Variants in ORC5 observed in about 807,000 individuals in gnomAD.
The protein encoded by ORC5 is protein phosphatase 1, regulatory subunit 117.
A neutral mutation model predicts 58.8 loss-of-function variants in ORC5; 39 were observed. That is an observed-to-expected ratio of 0.66 (90% CI 0.51 to 0.87). The LOEUF is 0.87. ORC5 is among the 40% of genes least tolerant of loss of function. The pLI is 0.00. For synonymous variants in ORC5, 218 were observed against 177.6 expected, an observed-to-expected ratio of 1.23 and a Z score of -1.81; for missense variants, 493 against 506.3, an observed-to-expected ratio of 0.97 and a Z score of 0.25.
chr7:104,179,717 T>C (rs1417402977), intron 8 of ORC5, among the ~76,000 whole-genome samples: 2 of 152,118 alleles, frequency 1.3e-5, no homozygotes, highest in African/African-American at 4.8e-5. Context: ...AGCTGTCTTC[T>C]TCACTTAGGA....
At chr7:104,156,932 G>A (rs577059938) in intron 12 of ORC5, among the ~76,000 whole-genome samples, 1 of 151,886 alleles carries the variant, frequency 6.6e-6, no homozygotes, top group South Asian at 2.1e-4. Context: ...AGGTCTGTTT[G>A]CCTGGCTCAT....
intron 11 of ORC5, among the ~76,000 whole-genome samples, chr7:104,162,292 C>T (rs1022273033): frequency 1.3e-5 from 2 of 152,186 alleles, no homozygotes; most frequent in African/African-American, 4.8e-5. Flanking sequence ...CGTATCTCAG[C>T]CACCCAAGTA....
chr7:104,131,618 G>A (rs896896333), intron 13 of ORC5, among the ~76,000 whole-genome samples: 9 of 152,196 alleles, frequency 5.9e-5, no homozygotes, highest in Admixed American at 6.5e-5. Context: ...TTGGGAGGCC[G>A]AGGTGGGTGG....
chr7:104,170,331 T>C lies in ORC5; in HGVS notation c.825-1806A>G, dbSNP rs750284740. On this transcript the variant is annotated intron_variant, in intron 8 of 13. Coordinates refer to ENST00000297431, the MANE Select transcript of ORC5 (RefSeq NM_002553.4). ...CCTAGAACATGTGAATACATTCTTA[T>C]GGGGTAAAAGGGACTTAGCAGATGT... Among the ~76,000 whole-genome samples the C allele has an allele frequency of 5.3e-5, 8 of 152,326 alleles. No homozygotes were observed. In the South Asian group the frequency reaches 1.2e-3, roughly 24 times the overall value.
rs139653788 is a variant in ORC5, at chr7:104,194,529, T to C, written c.553+614A>G. ...CAAAGACCAAAATCATCAGGATCTA[T>C]GAAATTTAAGATTAAATAGAGCCCC... On this transcript the variant is annotated intron_variant, in intron 5 of 13. Transcript: ENST00000297431. Among the ~76,000 whole-genome samples the C allele has an allele frequency of 2.8e-4, 43 of 152,224 alleles. 1 individual carries two copies. The East Asian group carries it at 7.7e-3, about 27-fold the overall frequency.
At chr7:104,131,642 A>G (rs1798513352) in intron 13 of ORC5, among the ~76,000 whole-genome samples, 1 of 152,172 alleles carries the variant, frequency 6.6e-6, no homozygotes, top group African/African-American at 2.4e-5. Flanking sequence ...ACCTGAGGTC[A>G]GGGGTTTGAG....
At chr7:104,189,245 G>A (rs955798158) in intron 5 of ORC5, among the ~76,000 whole-genome samples, 1 of 151,948 alleles carries the variant, frequency 6.6e-6, no homozygotes, top group Non-Finnish European at 1.5e-5. Flanking sequence ...TGCATGGCTG[G>A]GGAGGCCTCA....
intron 8 of ORC5, among the ~76,000 whole-genome samples, chr7:104,174,601 T>C (rs189788310): frequency 6.6e-6 from 1 of 152,242 alleles, no homozygotes; most frequent in East Asian, 1.9e-4. Flanking sequence ...CCTAGGGTGA[T>C]GGGCAAGCTA....
intron 8 of ORC5, 81 bp downstream of exon 8, chr7:104,183,862 T>A (rs1799485934): frequency 1.1e-6 from 1 of 934,976 alleles, no homozygotes. Flanking sequence ...TTAGAGTCCC[T>A]CTCTCTGTTA....
chr7:104,161,047 G>T, intron 12 of ORC5, 25 bp downstream of exon 12: 1 of 1,199,446 alleles, frequency 8.3e-7, no homozygotes, highest in Non-Finnish European at 1.2e-6. Context: ...AAAGATGACA[G>T]ATAATAATCT....
At chr7:104,164,378 C>G (rs1463077067) in intron 11 of ORC5, among the ~76,000 whole-genome samples, 1 of 152,168 alleles carries the variant, frequency 6.6e-6, no homozygotes, top group African/African-American at 2.4e-5. Context: ...GAGCCATGAT[C>G]ACGCCATTGC....
Position 104,138,046 on chromosome 7 carries a change from G to A in ORC5, c.1150-1153C>T, listed in dbSNP as rs1472362928. Among the ~76,000 whole-genome samples, 2 of 152,184 alleles carry A rather than the reference G, an allele frequency of 1.3e-5. No homozygotes were observed. Among genetic ancestry groups the A allele is most frequent in the African/African-American group, 4.8e-5 (2 of 41,452 alleles). ...ATCCCTAGATGCGGCCGTGAGATTG[G>A]AGCCCCACAACCTGCCCGTCTGCAT... On this transcript the variant is annotated intron_variant, in intron 12 of 13. Transcript: ENST00000297431. This position sits in a 1 kb window ranked among gnomAD's most constrained non-coding sequence, Gnocchi z 4.7.
chr7:104,168,669 T>TTTTTTTTTTTTTTTTTTTTTTTTTTGA, intron 8 of ORC5, 144 bp from the exon 9 acceptor site: 6 of 477,808 alleles, frequency 1.3e-5, no homozygotes, highest in Non-Finnish European at 1.8e-5. Context: ...TAAACATGTT[T>TTTTTTTTTTTTTTTTTTTTTTTTTTGA]GTACCTGTAC....
At chr7:104,163,743 G>A (rs1799061887) in intron 11 of ORC5, among the ~76,000 whole-genome samples, 1 of 152,064 alleles carries the variant, frequency 6.6e-6, no homozygotes. Flanking sequence ...CACCCGCCTC[G>A]GCCTCCCAAA....
chr7:104,184,221 A>C (rs2048975959), intron 6 of ORC5, 50 bp from the exon 7 acceptor site: 5 of 1,153,352 alleles, frequency 4.3e-6, no homozygotes, highest in Non-Finnish European at 6.2e-6. Context: ...GATCGATCAC[A>C]ATTAGAAATT....
intron 13 of ORC5, among the ~76,000 whole-genome samples, chr7:104,127,896 A>G (rs1172893589): frequency 6.6e-6 from 1 of 152,222 alleles, no homozygotes; most frequent in African/African-American, 2.4e-5. Context: ...GTTGGACTGA[A>G]GAATAACTTG....
At chr7:104,161,941 A>G (rs1799032212) in intron 11 of ORC5, among the ~76,000 whole-genome samples, 1 of 152,242 alleles carries the variant, frequency 6.6e-6, no homozygotes, top group Non-Finnish European at 1.5e-5. Context: ...CAACACCAGT[A>G]GCTCTAAAAA....
intron 6 of ORC5, 132 bp from the exon 7 acceptor site, chr7:104,184,303 TTA>T (rs2115977709): frequency 3.1e-6 from 2 of 635,710 alleles, no homozygotes; most frequent in East Asian, 5.5e-5. Context: ...TCAAATGTAA[TTA>T]TACGCAGTGG....
At chr7:104,200,431 A>G (rs1799910585) in intron 3 of ORC5, among the ~76,000 whole-genome samples, 1 of 152,074 alleles carries the variant, frequency 6.6e-6, no homozygotes, top group South Asian at 2.1e-4. Flanking sequence ...CTCTACTTCA[A>G]TTTCTTCCTA....
Sources: allele counts gnomAD v4.1 joint callset (sites outside exome capture counted in the v4.1 genomes callset), GRCh38; gene constraint gnomAD v4.1.1; non-coding constraint Gnocchi (gnomAD v3.1); transcripts MANE v1.5; gene names NCBI Gene and HGNC (gene_info 2026-07-23, HGNC 2026-07-21).